SGIP1: variants seen among roughly 807,000 people sequenced by gnomAD.
SGIP1 encodes SH3GL interacting endocytic adaptor 1.
In SGIP1, 38 loss-of-function variants were observed where a neutral mutation model predicts 107.5. The observed-to-expected ratio is 0.35, with a 90% CI of 0.27 to 0.46. SGIP1 has a LOEUF of 0.46. SGIP1 is among the 20% of genes least tolerant of loss of function. The probability of loss-of-function intolerance (pLI) is 1.00; values close to 1 mark genes in which losing one functional copy is unlikely to be tolerated. For missense variants in SGIP1, 929 were observed against 1,019.5 expected (o/e 0.91, Z 1.21); for synonymous variants, 365 against 366.1 (o/e 1.00, Z 0.03).
chr1:66,675,538 TTTC>T lies in SGIP1; in HGVS notation c.647-1463_647-1461del, dbSNP rs1247499876. On this transcript the variant is annotated intron_variant, in intron 12 of 24. Transcript: ENST00000371037. ...TTCGTTGTTTTTCTTTTTCTTTTTC[TTTC>T]TTTTTTTTTTTTTTTTTTGACAGAA... Among the ~76,000 whole-genome samples, 55 of 36,950 alleles carry T rather than the reference TTTC, an allele frequency of 1.5e-3. 4 individuals carry two copies. The East Asian group carries it at 0.035, about 23-fold the overall frequency. 24.2% of individuals were successfully genotyped at this position (36,950 alleles called of 152,430 possible). A position where few individuals can be genotyped will look rare whatever the true frequency, so the allele number is the denominator to read the frequency against.
intron 1 of SGIP1, among the ~76,000 whole-genome samples, chr1:66,621,737 G>C (rs2071194810): frequency 6.6e-6 from 1 of 152,144 alleles, no homozygotes; most frequent in Admixed American, 6.6e-5. Flanking sequence ...ATTTAGCATA[G>C]TATTTTCAAG....
chr1:66,545,895 G>C (rs938520657), intron 1 of SGIP1, among the ~76,000 whole-genome samples: 1 of 151,986 alleles, frequency 6.6e-6, no homozygotes, highest in African/African-American at 2.4e-5. Context: ...TTTGTTCCTT[G>C]CTCAAAAACC....
At chr1:66,625,969 TCACA>T in intron 2 of SGIP1, 59 bp downstream of exon 2, 1 of 1,383,790 alleles carries the variant, frequency 7.2e-7, no homozygotes, top group Non-Finnish European at 1.0e-6. Flanking sequence ...GATGCTCTTA[TCACA>T]GTCAATATAA....
chr1:66,541,430 T>C (rs1158424260), intron 1 of SGIP1, among the ~76,000 whole-genome samples: 2 of 152,248 alleles, frequency 1.3e-5, no homozygotes, highest in Non-Finnish European at 2.9e-5. Context: ...TTCTCACACA[T>C]TTAATAAGTG....
intron 1 of SGIP1, among the ~76,000 whole-genome samples, chr1:66,622,120 C>T (rs566108110): frequency 6.6e-6 from 1 of 152,218 alleles, no homozygotes; most frequent in East Asian, 1.9e-4. Flanking sequence ...TGAAATCACC[C>T]TCAGAAAAGG....
Position 66,682,341 on chromosome 1 carries a change from C to T in SGIP1, c.1287C>T (p.Gly429=), listed in dbSNP as rs988373707. The T allele has an allele frequency of 1.2e-6, 2 of 1,613,346 alleles. No homozygotes were observed. The highest frequency in any genetic ancestry group is 2.7e-5 in the African/African-American group (2 of 74,802). Residue 429 remains glycine (G), a synonymous_variant, in exon 15 of 25, where the codon GGC becomes GGT. Transcript: ENST00000371037. ...YRTVVSSPGP[G]SGPGPGTTSG... ...CTGTGGTTTCGTCCCCCGGACCTGG[C>T]TCGGGCCCTGGTCCGGGGACCACCA... is the stretch of plus-strand genomic sequence containing the variant.
intron 1 of SGIP1, among the ~76,000 whole-genome samples, chr1:66,556,079 AAAACAAAC>A (rs745409573): frequency 1.3e-5 from 2 of 152,140 alleles, no homozygotes; most frequent in African/African-American, 4.8e-5. Context: ...TGCCAAGACT[AAAACAAAC>A]AAACAAACAA....
intron 1 of SGIP1, among the ~76,000 whole-genome samples, chr1:66,625,032 G>A (rs376421791): frequency 1.3e-5 from 2 of 152,134 alleles, no homozygotes; most frequent in East Asian, 3.8e-4. Flanking sequence ...GGGAGCCTTG[G>A]CCTTTGTTCA....
intron 19 of SGIP1, among the ~76,000 whole-genome samples, chr1:66,726,976 G>A (rs1170869897): frequency 6.6e-6 from 1 of 151,972 alleles, no homozygotes; most frequent in East Asian, 1.9e-4. Context: ...GTCTCAAAAA[G>A]GAAAAAGAAA....
chr1:66,673,631 T>C (rs113352800), intron 12 of SGIP1, among the ~76,000 whole-genome samples: 1,799 of 152,228 alleles, frequency 0.012, 39 homozygotes, highest in African/African-American at 0.041. Context: ...TTACTGCAAG[T>C]CTACACAAAT....
chr1:66,667,012 T>C (rs893886721), intron 8 of SGIP1: 3 of 152,872 alleles, frequency 2.0e-5, no homozygotes, highest in African/African-American at 4.8e-5. Context: ...ACACCTTCCA[T>C]AGAACACCAA....
intron 1 of SGIP1, among the ~76,000 whole-genome samples, chr1:66,550,013 G>A (rs986753003): frequency 2.0e-5 from 3 of 152,086 alleles, no homozygotes; most frequent in African/African-American, 7.2e-5. Flanking sequence ...GTCCCTCCCA[G>A]TATCTTTGAG....
intron 1 of SGIP1, among the ~76,000 whole-genome samples, chr1:66,615,741 A>G (rs954974843): frequency 6.6e-6 from 1 of 152,210 alleles, no homozygotes; most frequent in African/African-American, 2.4e-5. Flanking sequence ...AATGCTTTCT[A>G]CAAGTCATTG....
At chr1:66,600,477 C>T (rs1319925373) in intron 1 of SGIP1, among the ~76,000 whole-genome samples, 3 of 152,054 alleles carry the variant, frequency 2.0e-5, no homozygotes, top group African/African-American at 7.2e-5. Flanking sequence ...ACGAGTTCCA[C>T]CTAAAGGATG....
In SGIP1 at chr1:66,744,960, T is replaced by C. The variant is rs2094533396; in HGVS notation, c.*1865T>C. 1 of 152,332 alleles carries C rather than the reference T, an allele frequency of 6.6e-6. No homozygotes were observed. Among genetic ancestry groups the C allele is most frequent in the South Asian group, 2.1e-4 (1 of 4,822 alleles). The allele number at this position is 152,332 out of a possible 1,614,324, so 9.4% of individuals were successfully genotyped here. A position where few individuals can be genotyped will look rare whatever the true frequency, so the allele number is the denominator to read the frequency against. ...ATGGAATTTATGACACCAAAATCAA[T>C]GGAGAGTAAGCAGCAGCAAACTGAG... is the stretch of plus-strand genomic sequence containing the variant. On this transcript the variant is annotated 3_prime_UTR_variant, in exon 25 of 25. Transcript: ENST00000371037.
At chr1:66,616,157 T>C (rs1226615977) in intron 1 of SGIP1, 1 of 152,240 alleles carries the variant, frequency 6.6e-6, no homozygotes, top group African/African-American at 2.4e-5. Context: ...TTATGATAGA[T>C]GTTAGTCAAT....
intron 1 of SGIP1, among the ~76,000 whole-genome samples, chr1:66,601,207 C>CA (rs913531343): frequency 2.4e-4 from 37 of 151,758 alleles, no homozygotes; most frequent in Admixed American, 7.9e-4. Flanking sequence ...GCTAAAAATA[C>CA]AAAAAAAATT....
At chr1:66,563,325 C>T (rs1196495093) in intron 1 of SGIP1, among the ~76,000 whole-genome samples, 4 of 151,892 alleles carry the variant, frequency 2.6e-5, no homozygotes, top group Admixed American at 6.6e-5. Context: ...GTCTGACTCC[C>T]GGGTTATTTG....
chr1:66,725,168 C>A (rs1572284602), intron 19 of SGIP1, among the ~76,000 whole-genome samples: 1 of 152,306 alleles, frequency 6.6e-6, no homozygotes, highest in Admixed American at 6.5e-5. Flanking sequence ...CCATTCAGAG[C>A]ACTACAAAGT....
Sources: gnomAD v4.1 joint callset for allele counts (sites outside exome capture counted in the v4.1 genomes callset) on GRCh38, gnomAD v4.1.1 for gene constraint, MANE v1.5 for transcripts, NCBI Gene and HGNC (gene_info 2026-07-23, HGNC 2026-07-21) for gene names.